The following AMER1 variants were observed in gnomAD, a reference collection of about 807,000 sequenced individuals.
The protein encoded by AMER1 is RP11-403E24.2.
In AMER1, 16 loss-of-function variants were observed where a neutral mutation model predicts 53.0. That is an observed-to-expected ratio of 0.30 (90% CI 0.20 to 0.46). AMER1 has a LOEUF of 0.46. Among genes scored for constraint, AMER1 ranks in the 20% least tolerant of loss-of-function variants. The probability of loss-of-function intolerance (pLI) is 1.00; values close to 1 mark genes in which losing one functional copy is unlikely to be tolerated. For missense variants in AMER1, 947 were observed against 884.9 expected (o/e 1.07, Z -0.89); for synonymous variants, 354 against 331.9 (o/e 1.07, Z -0.73).
In AMER1 at chrX:64,190,149, G is replaced by A. The variant is rs750078105; in HGVS notation, c.3138C>T (p.Ala1046=). 8.3e-7 allele frequency: 1 copy of A among 1,207,619 alleles called. No individual in the cohort carries two copies. The highest frequency in any genetic ancestry group is 3.0e-5 in the East Asian group (1 of 33,671). The change falls in exon 2 of 2, where the codon GCC becomes GCT. Residue 1046 remains alanine, a synonymous_variant. Coordinates refer to ENST00000374869, the MANE Select transcript of AMER1 (RefSeq NM_152424.4). ...CAGGCAGCAGCACATCTCGAGGCCT[G>A]GCCCTCATGCTCTGGGAGGCCTGTG... The part of the protein sequence containing the change: ...LQPQASQSMR[A]RPRDVLLPVD...
chrX:64,196,523 T>C (rs1930373368), intron 1 of AMER1, among the ~76,000 whole-genome samples: 1 of 112,205 alleles, frequency 8.9e-6, no homozygotes, highest in South Asian at 3.8e-4. Flanking sequence ...GCTGTTCATT[T>C]GGGAAAGCCA....
At chrX:64,202,321 C>A (rs769101345) in intron 1 of AMER1, among the ~76,000 whole-genome samples, 16 of 111,776 alleles carry the variant, frequency 1.4e-4, no homozygotes, top group Non-Finnish European at 3.0e-4. Flanking sequence ...GTTAACTCAG[C>A]CCCCCTTTCC....
chrX:64,195,451 C>G (rs972779384), intron 1 of AMER1, among the ~76,000 whole-genome samples: 8 of 112,012 alleles, frequency 7.1e-5, no homozygotes, highest in Non-Finnish European at 1.3e-4. Context: ...CCTAGGCTAA[C>G]AGGGAGAGTC....
rs2147085178 is a variant in AMER1, at chrX:64,190,452, G to T, written c.2835C>A (p.Pro945=). ...CTGGGGGTTCAGTATAGAGGGAAAG[G>T]GGACTGTCTCGGCTCCATTCTCCTT... ...EEEGEWSRDS[P]LSLYTEPPGA... Residue 945 remains proline (P), a synonymous_variant, in exon 2 of 2, where the codon CCC becomes CCA. Coordinates refer to ENST00000374869, the MANE Select transcript of AMER1 (RefSeq NM_152424.4). 1 of 1,211,933 alleles carries T rather than the reference G, an allele frequency of 8.3e-7. No homozygotes were observed. The highest frequency in any genetic ancestry group is 1.1e-6 in the Non-Finnish European group (1 of 895,529).
At position 64,192,594 on chromosome X, in the gene AMER1, G is replaced by A. The variant is rs2147089996; in HGVS notation, c.693C>T (p.Pro231=). The A allele has an allele frequency of 3.4e-6, 4 of 1,186,569 alleles. No homozygotes were observed. Among genetic ancestry groups the A allele is most frequent in the Non-Finnish European group, 4.5e-6 (4 of 886,607 alleles). ...AAACTTTTGGCCCAGGGGCATCTTGGGGGTTAGCATTTTCCTTTCTAGGGG... is the reference window on the plus strand; with the variant it reads ...AAACTTTTGGCCCAGGGGCATCTTGAGGGTTAGCATTTTCCTTTCTAGGGG... ...FQAPRKENAN[P]QDAPGPKVSP... The change falls in exon 2 of 2, where the codon CCC becomes CCT. Residue 231 remains proline (P), a synonymous_variant. Transcript: ENST00000374869.
chrX:64,189,931 G>A lies in AMER1; in HGVS notation c.3356C>T (p.Ser1119Phe), dbSNP rs1930204296. 3.3e-6 allele frequency: 4 copies of A among 1,206,819 alleles called. No individual in the cohort carries two copies. Among genetic ancestry groups the A allele is most frequent in the Non-Finnish European group, 4.5e-6 (4 of 893,434 alleles). ...LSKERAEQGA[S>F]LATSYSSTAM... ...AGTGGAGGAGTAGCTGGTGGCAAGAGAGGCACCTTGCTCAGCCCTCTCCTT... is the reference window on the plus strand; with the variant it reads ...AGTGGAGGAGTAGCTGGTGGCAAGAAAGGCACCTTGCTCAGCCCTCTCCTT... Residue 1119 changes from serine to phenylalanine, a missense_variant, in exon 2 of 2, where the codon TCT (serine) becomes TTT (phenylalanine). Transcript: ENST00000374869.
chrX:64,192,827 C>T lies in AMER1; in HGVS notation c.460G>A (p.Ala154Thr), dbSNP rs1308131685. Residue 154 changes from alanine to threonine, a missense_variant, in exon 2 of 2, where the codon GCT (alanine) becomes ACT (threonine). Physicochemically the swap from Ala to Thr is moderately conservative, Grantham distance 58. Coordinates refer to ENST00000374869, the MANE Select transcript of AMER1 (RefSeq NM_152424.4). ...ATAGAGGGAAACTTCTCAGCCACAGCTTTCTCTGTGGCTCCAGCCACAGAT... is the reference window on the plus strand; with the variant it reads ...ATAGAGGGAAACTTCTCAGCCACAGTTTTCTCTGTGGCTCCAGCCACAGAT... ...KTSVAGATEK[A>T]VAEKFPSMPK... 1 of 1,211,965 alleles carries T rather than the reference C, an allele frequency of 8.3e-7. No individual in the cohort carries two copies. Among genetic ancestry groups the T allele is most frequent in the African/African-American group, 1.7e-5 (1 of 57,883 alleles).
Position 64,189,793 on chromosome X carries a change from A to ACGGGGGCCCCCCCCC in AMER1, c.*85_*86insGGGGGGGGGCCCCCG. 3 of 292,059 alleles carry ACGGGGGCCCCCCCCC rather than the reference A, an allele frequency of 1.0e-5. No homozygotes were observed. The highest frequency in any genetic ancestry group is 1.5e-5 in the Non-Finnish European group (3 of 204,817). 24.1% of individuals were successfully genotyped at this position (292,059 alleles called of 1,213,427 possible). ...CAAAGGGTTTTCAAGTTAAACAACAACCCCCACCCCCCCACCCTTCTGCCC... is the reference window on the plus strand; with the variant it reads ...CAAAGGGTTTTCAAGTTAAACAACAACGGGGGCCCCCCCCCCCCCCACCCCCCCACCCTTCTGCCC... On this transcript the variant is annotated 3_prime_UTR_variant, in exon 2 of 2. Coordinates refer to ENST00000374869, the MANE Select transcript of AMER1 (RefSeq NM_152424.4).
At chrX:64,197,579 T>C (rs892506791) in intron 1 of AMER1, among the ~76,000 whole-genome samples, 4 of 112,735 alleles carry the variant, frequency 3.5e-5, no homozygotes, top group African/African-American at 9.7e-5. Context: ...AGCAAGTGGA[T>C]TTATGCAGTA....
chrX:64,197,860 C>CT (rs1930407493), intron 1 of AMER1, among the ~76,000 whole-genome samples: 1 of 112,835 alleles, frequency 8.9e-6, no homozygotes, highest in Non-Finnish European at 1.9e-5. Flanking sequence ...GTGCCTACCT[C>CT]TTAAGGCTAT....
At position 64,190,413 on chromosome X, in the gene AMER1, C is replaced by A. The variant is rs780015689; in HGVS notation, c.2874G>T (p.Trp958Cys). 5.0e-6 allele frequency: 6 copies of A among 1,210,165 alleles called. No homozygotes were observed. The East Asian group carries it at 1.8e-4, about 36-fold the overall frequency. Reference protein sequence around the residue: ...LYTEPPGAYDWPAWAPCPLPV... With the variant: ...LYTEPPGAYDCPAWAPCPLPV... ...GAAGAGGACAGGGAGCCCAAGCAGG[C>A]CAATCATAGGCCCCTGGGGGTTCAG... is the stretch of plus-strand genomic sequence containing the variant. Residue 958 changes from tryptophan to cysteine, a missense_variant, in exon 2 of 2, where the codon TGG becomes TGT. Physicochemically the swap from Trp to Cys is radical, Grantham distance 215. Coordinates refer to ENST00000374869, the MANE Select transcript of AMER1 (RefSeq NM_152424.4).
chrX:64,190,013 G>T lies in AMER1; in HGVS notation c.3274C>A (p.Pro1092Thr), dbSNP rs1176926572. Residue 1092 changes from proline (P) to threonine (T), a missense_variant, in exon 2 of 2, where the codon CCT (proline) becomes ACT (threonine). Pro to Thr is a conservative substitution (Grantham distance 38, BLOSUM62 -1). Coordinates refer to ENST00000374869, the MANE Select transcript of AMER1 (RefSeq NM_152424.4). ...HGIPQLPRVRPEHPQPQPTHY... is the reference protein window; with the variant it reads ...HGIPQLPRVRTEHPQPQPTHY... ...GTGGGCTGAGGCTGGGGGTGCTCAG[G>T]CCGGACCCTGGGCAGCTGAGGAATG... 1 of 1,204,971 alleles carries T rather than the reference G, an allele frequency of 8.3e-7. No individual in the cohort carries two copies. The highest frequency in any genetic ancestry group is 1.1e-6 in the Non-Finnish European group (1 of 892,649).
rs1234077371 is a variant in AMER1 at position 64,189,535 on chromosome X, TATA to T, written c.*341_*343del. 1.3e-3 allele frequency: 131 copies of T among 102,681 alleles called. 2 individuals carry two copies. In the African/African-American group the frequency reaches 0.013, roughly 10 times the overall value. The allele number at this position is 102,681 out of a possible 1,213,427, so 8.5% of individuals were successfully genotyped here. ...GTGTGTATATATATATATATATATA[TATA>T]TATATATATATATATATATAATCAC... On this transcript the variant is annotated 3_prime_UTR_variant, in exon 2 of 2. Coordinates refer to ENST00000374869, the MANE Select transcript of AMER1 (RefSeq NM_152424.4).
chrX:64,189,512 G>GTATA lies in AMER1; in HGVS notation c.*366_*367insTATA, dbSNP rs1930184880. 1.3e-4 allele frequency: 11 copies of GTATA among 86,417 alleles called. No individual in the cohort carries two copies. The highest frequency in any genetic ancestry group is 1.5e-4 in the African/African-American group (1 of 6,588). 7.1% of individuals were successfully genotyped at this position (86,417 alleles called of 1,213,427 possible). A position where few individuals can be genotyped will look rare whatever the true frequency, so the allele number is the denominator to read the frequency against. On this transcript the variant is annotated 3_prime_UTR_variant, in exon 2 of 2. Coordinates refer to ENST00000374869, the MANE Select transcript of AMER1 (RefSeq NM_152424.4). ...TGTGTGTGTGTGTGTGTGTGTGTGT[G>GTATA]TGTATATATATATATATATATATAT...
chrX:64,188,250 T>C lies in AMER1; in HGVS notation c.*1629A>G. ...TGTGAGGGCGAGGGTGCAATAATCA[T>C]AATTTGAGTGAACACAGCCAAGCAA... On this transcript the variant is annotated 3_prime_UTR_variant, in exon 2 of 2. Transcript: ENST00000374869. The C allele has an allele frequency of 1.2e-6, 1 of 802,661 alleles. No homozygotes were observed. The highest frequency in any genetic ancestry group is 1.5e-6 in the Non-Finnish European group (1 of 668,932). The allele number at this position is 802,661 out of a possible 1,213,427, so 66.1% of individuals were successfully genotyped here. A position where few individuals can be genotyped will look rare whatever the true frequency, so the allele number is the denominator to read the frequency against.
Position 64,187,157 on chromosome X carries a change from A to G in AMER1, c.*2722T>C. 1.3e-6 allele frequency: 1 copy of G among 786,454 alleles called. No individual in the cohort carries two copies. The highest frequency in any genetic ancestry group is 1.5e-6 in the Non-Finnish European group (1 of 658,685). The allele number at this position is 786,454 out of a possible 1,213,427, so 64.8% of individuals were successfully genotyped here. A position where few individuals can be genotyped will look rare whatever the true frequency, so the allele number is the denominator to read the frequency against. ...GCCTGAAGCTTGGCTGGCTCTCCCAATGTCACCCTGTGCTGTCAACACCAT... is the reference window on the plus strand; with the variant it reads ...GCCTGAAGCTTGGCTGGCTCTCCCAGTGTCACCCTGTGCTGTCAACACCAT... On this transcript the variant is annotated 3_prime_UTR_variant, in exon 2 of 2. Coordinates refer to ENST00000374869, the MANE Select transcript of AMER1 (RefSeq NM_152424.4).
At position 64,192,502 on chromosome X, in the gene AMER1, A is replaced by G. The variant is rs1930273124; in HGVS notation, c.785T>C (p.Met262Thr). 1 of 1,204,776 alleles carries G rather than the reference A, an allele frequency of 8.3e-7. No individual in the cohort carries two copies. Among genetic ancestry groups the G allele is most frequent in the Non-Finnish European group, 1.1e-6 (1 of 893,058 alleles). ...CACATGTGCTGAGGCACAGGCCTCC[A>G]TGGGTTTTTCTGGATCTTTACAGGC... ...KMACKDPEKPMEACASAHVQP... is the reference protein window; with the variant it reads ...KMACKDPEKPTEACASAHVQP... The change falls in exon 2 of 2, where the codon ATG (methionine) becomes ACG (threonine). Residue 262 changes from methionine (M) to threonine (T), a missense_variant. Coordinates refer to ENST00000374869, the MANE Select transcript of AMER1 (RefSeq NM_152424.4).
rs892421021 is a variant in AMER1, at chrX:64,189,112, G to A, written c.*767C>T. ...CATTTTTGTCTTTAACCCAAGCTAT[G>A]GCAGGACAGTTAAAAGGCCCCCATC... On this transcript the variant is annotated 3_prime_UTR_variant, in exon 2 of 2. Transcript: ENST00000374869. The A allele has an allele frequency of 9.0e-6, 7 of 776,705 alleles. No individual in the cohort carries two copies. The highest frequency in any genetic ancestry group is 1.0e-5 in the Non-Finnish European group (7 of 667,290). 64.0% of individuals were successfully genotyped at this position (776,705 alleles called of 1,213,427 possible).
Position 64,186,328 on chromosome X carries a change from A to G in AMER1, c.*3551T>C. The G allele has an allele frequency of 2.0e-6, 2 of 996,319 alleles. No homozygotes were observed. The highest frequency in any genetic ancestry group is 2.5e-6 in the Non-Finnish European group (2 of 785,247). The allele number at this position is 996,319 out of a possible 1,213,427, so 82.1% of individuals were successfully genotyped here. ...CATCTTTGTTTTGTTTAAAACTGTA[A>G]ACAGCACCGCTTAAAAATAAATCAG... On this transcript the variant is annotated 3_prime_UTR_variant, in exon 2 of 2. Coordinates refer to ENST00000374869, the MANE Select transcript of AMER1 (RefSeq NM_152424.4).
Sources: allele counts gnomAD v4.1 joint callset (sites outside exome capture counted in the v4.1 genomes callset), GRCh38; gene constraint gnomAD v4.1.1; transcripts MANE v1.5; gene names NCBI Gene and HGNC (gene_info 2026-07-23, HGNC 2026-07-21).